Variants in KCNK9 observed in about 807,000 individuals in gnomAD.
KCNK9 encodes potassium channel subfamily K member 9.
In KCNK9, 1 loss-of-function variant was observed where a neutral mutation model predicts 10.8. That is an observed-to-expected ratio of 0.09 (90% CI 0.03 to 0.44). The LOEUF (loss-of-function observed/expected upper bound fraction) is 0.44, where lower values mean the gene tolerates loss of function less well. KCNK9 is among the 20% of genes least tolerant of loss of function. KCNK9 has a pLI of 0.97. For synonymous variants in KCNK9, 231 were observed against 222.7 expected, an observed-to-expected ratio of 1.04 and a Z score of -0.33; for missense variants, 303 against 515.0, an observed-to-expected ratio of 0.59 and a Z score of 3.98.
At chr8:139,615,262 A>G (rs1403141462), downstream of KCNK9, among the ~76,000 whole-genome samples, 2 of 151,572 alleles carry the variant, frequency 1.3e-5, no homozygotes, top group Non-Finnish European at 3.0e-5. Context: ...GCCTTCTCTG[A>G]ACCTCAATGT....
chr8:139,671,393 G>A (rs1816422244), intron 1 of KCNK9, among the ~76,000 whole-genome samples: 1 of 152,214 alleles, frequency 6.6e-6, no homozygotes, highest in African/African-American at 2.4e-5. Context: ...GAGGAGGTGA[G>A]AGACGCCTAA....
intron 2 of KCNK9, among the ~76,000 whole-genome samples, chr8:139,602,274 A>C (rs181425571): frequency 1.3e-5 from 2 of 152,348 alleles, no homozygotes; most frequent in African/African-American, 4.8e-5. Flanking sequence ...GATCACAGGC[A>C]TGCAGGATGG....
chr8:139,653,870 T>C (rs1321815752), intron 1 of KCNK9, among the ~76,000 whole-genome samples: 3 of 152,228 alleles, frequency 2.0e-5, no homozygotes, highest in Non-Finnish European at 2.9e-5. Context: ...GGAATTTTGC[T>C]TGGGGTAGCC....
chr8:139,640,261 G>A (rs959927842), intron 1 of KCNK9, among the ~76,000 whole-genome samples: 2 of 152,204 alleles, frequency 1.3e-5, no homozygotes, highest in African/African-American at 4.8e-5. Flanking sequence ...GCACATCAGC[G>A]GCAGGGCTTG....
rs372850659 is a variant in KCNK9, at chr8:139,618,442, G to T, written c.941C>A (p.Pro314Gln). ...SQDYGGRSVA[P>Q]QNSFSAKLAP... ...AAGCTTGGCGCTGAAGGAGTTCTGC[G>T]GTGCCACCGAGCGGCCGCCATAGTC... Residue 314 changes from proline (P) to glutamine (Q), a missense_variant, in exon 2 of 2, where the codon CCG becomes CAG. By Grantham distance (76) the Pro-to-Gln change is moderately conservative (BLOSUM62 -1). Transcript: ENST00000520439. The surrounding 1 kb of genome is among the most constrained non-coding windows in gnomAD (Gnocchi z 7.9). 1.9e-6 allele frequency: 3 copies of T among 1,614,098 alleles called. No homozygotes were observed. The highest frequency in any genetic ancestry group is 2.5e-6 in the Non-Finnish European group (3 of 1,180,018).
At chr8:139,628,391 C>T (rs2014712) in intron 1 of KCNK9, among the ~76,000 whole-genome samples, 31,789 of 152,252 alleles carry the variant, frequency 0.21, 3,635 homozygotes, top group South Asian at 0.29. Context: ...CTGGCAAACA[C>T]GGTCGTTCTG....
In KCNK9 at chr8:139,650,994, G is replaced by A. The variant is rs1390436159; in HGVS notation, c.284-31895C>T. Among the ~76,000 whole-genome samples, 12 of 152,128 alleles carry A rather than the reference G, an allele frequency of 7.9e-5. No individual in the cohort carries two copies. In the South Asian group the frequency reaches 8.3e-4, roughly 10 times the overall value. ...TAAATGCTGAAAGCCCCAGAATATC[G>A]AGGTGGATGCAGAAGAGTACTGGGC... On this transcript the variant is annotated intron_variant, in intron 1 of 1. Coordinates refer to ENST00000520439, the MANE Select transcript of KCNK9 (RefSeq NM_001282534.2).
intron 1 of KCNK9, among the ~76,000 whole-genome samples, chr8:139,646,027 T>C (rs1389666359): frequency 6.6e-6 from 1 of 152,170 alleles, no homozygotes; most frequent in Non-Finnish European, 1.5e-5. Flanking sequence ...TGATGGCAGC[T>C]TCCCCAGGGT....
chr8:139,638,196 T>C (rs1222279000), intron 1 of KCNK9, among the ~76,000 whole-genome samples: 1 of 151,902 alleles, frequency 6.6e-6, no homozygotes, highest in African/African-American at 2.4e-5. Flanking sequence ...AATGTCCCCA[T>C]CTCCAGGAAC....
chr8:139,628,250 C>T (rs962684779), intron 1 of KCNK9, among the ~76,000 whole-genome samples: 7 of 152,190 alleles, frequency 4.6e-5, no homozygotes, highest in African/African-American at 1.4e-4. Context: ...ATGGTGAGGC[C>T]ACCAGGGACA....
At chr8:139,676,077 G>C (rs1816543544) in intron 1 of KCNK9, among the ~76,000 whole-genome samples, 1 of 152,208 alleles carries the variant, frequency 6.6e-6, no homozygotes, top group Admixed American at 6.5e-5. Flanking sequence ...GAAGGGCAGG[G>C]CCACAAGATG....
downstream of KCNK9, among the ~76,000 whole-genome samples, chr8:139,615,407 G>GAA (rs1814555717): frequency 6.6e-6 from 1 of 152,120 alleles, no homozygotes; most frequent in African/African-American, 2.4e-5. Context: ...ATTAAGAGAA[G>GAA]AAAGAACCCT....
At chr8:139,673,599 A>G (rs1485445489) in intron 1 of KCNK9, among the ~76,000 whole-genome samples, 1 of 152,202 alleles carries the variant, frequency 6.6e-6, no homozygotes, top group African/African-American at 2.4e-5. Flanking sequence ...GAGAGCTTCA[A>G]GGGCTTTCCA....
At chr8:139,635,099 T>G (rs1815299122) in intron 1 of KCNK9, among the ~76,000 whole-genome samples, 1 of 152,174 alleles carries the variant, frequency 6.6e-6, no homozygotes, top group African/African-American at 2.4e-5. Context: ...CAGAGAACAT[T>G]CTAGAGCCTG....
chr8:139,699,897 G>A (rs549177329), intron 1 of KCNK9, among the ~76,000 whole-genome samples: 9 of 152,252 alleles, frequency 5.9e-5, no homozygotes, highest in Non-Finnish European at 1.0e-4. Context: ...TTGGAGATTT[G>A]GGCAAAAAGT....
intron 1 of KCNK9, among the ~76,000 whole-genome samples, chr8:139,663,777 CT>C (rs1563741622): frequency 6.6e-6 from 1 of 152,112 alleles, no homozygotes; most frequent in Non-Finnish European, 1.5e-5. Context: ...CGAGGAAGCA[CT>C]GCCTGCCTGA....
rs776451241 is a variant in KCNK9 at position 139,617,741 on chromosome 8, C to T, written c.*517G>A. On this transcript the variant is annotated 3_prime_UTR_variant, in exon 2 of 2. Coordinates refer to ENST00000520439, the MANE Select transcript of KCNK9 (RefSeq NM_001282534.2). ...AAGAAAACGGAATACCTAATACTTCCCGTTTTGTCACGACACACGTGCACA... is the reference window on the plus strand; with the variant it reads ...AAGAAAACGGAATACCTAATACTTCTCGTTTTGTCACGACACACGTGCACA... Among the ~76,000 whole-genome samples, 8 of 152,126 alleles carry T rather than the reference C, an allele frequency of 5.3e-5. No homozygotes were observed. The highest frequency in any genetic ancestry group is 1.0e-4 in the Non-Finnish European group (7 of 68,028).
chr8:139,605,070 C>A (rs375770023), intron 2 of KCNK9, among the ~76,000 whole-genome samples: 2 of 152,220 alleles, frequency 1.3e-5, no homozygotes, highest in East Asian at 1.9e-4. Context: ...AATACTTGGG[C>A]AGCTCCTATG....
chr8:139,626,771 T>C (rs1814991921), intron 1 of KCNK9, among the ~76,000 whole-genome samples: 1 of 152,168 alleles, frequency 6.6e-6, no homozygotes, highest in African/African-American at 2.4e-5. Flanking sequence ...GAAATATTTA[T>C]AAAGGACATG....
Sources: allele counts gnomAD v4.1 joint callset (sites outside exome capture counted in the v4.1 genomes callset), GRCh38; gene constraint gnomAD v4.1.1; non-coding constraint Gnocchi (gnomAD v3.1); transcripts MANE v1.5; gene names NCBI Gene and HGNC (gene_info 2026-07-23, HGNC 2026-07-21).